The following PHF14 variants were observed in gnomAD, a reference collection of about 807,000 sequenced individuals.
PHF14 encodes PHD finger protein 14.
A neutral mutation model predicts 117.9 loss-of-function variants in PHF14; 55 were observed. The observed-to-expected ratio is 0.47, with a 90% CI of 0.38 to 0.58. The LOEUF (loss-of-function observed/expected upper bound fraction) is 0.58, where lower values mean the gene tolerates loss of function less well. PHF14 is among the 20% of genes least tolerant of loss of function. The pLI, the probability that PHF14 is intolerant of heterozygous loss-of-function variation, is 0.00. For missense variants in PHF14, 978 were observed against 1,122.2 expected (o/e 0.87, Z 1.84); for synonymous variants, 409 against 368.6 (o/e 1.11, Z -1.26).
chr7:11,057,989 TG>T (rs1785078549), intron 14 of PHF14, among the ~76,000 whole-genome samples: 1 of 152,366 alleles, frequency 6.6e-6, no homozygotes, highest in South Asian at 2.1e-4. Context: ...AGTTTGGAAT[TG>T]CACCCTTGCT....
At chr7:11,036,782 C>A (rs1410026786) in intron 9 of PHF14, 94 bp downstream of exon 9, 2 of 1,166,452 alleles carry the variant, frequency 1.7e-6, no homozygotes, top group African/African-American at 1.5e-5. Context: ...AATTTATTAG[C>A]CATGCTGCAT....
intron 4 of PHF14, chr7:11,006,688 G>A (rs765973682): frequency 4.3e-5 from 27 of 627,084 alleles, no homozygotes; most frequent in Non-Finnish European, 7.2e-5. Context: ...GAGCTCTTCC[G>A]AGGATATCTG....
chr7:10,980,939 A>G (rs755547457), intron 2 of PHF14, among the ~76,000 whole-genome samples: 11 of 152,176 alleles, frequency 7.2e-5, no homozygotes, highest in Non-Finnish European at 1.2e-4. Context: ...GTTTAGGATA[A>G]GAGTGTTTTT....
At chr7:11,071,147 C>G (rs942813164) in intron 16 of PHF14, 1 of 367,138 alleles carries the variant, frequency 2.7e-6, no homozygotes, top group African/African-American at 2.1e-5. Context: ...TAATTTTAAG[C>G]AAGTCACTTA....
At chr7:10,984,227 T>C (rs1320936048) in intron 3 of PHF14, among the ~76,000 whole-genome samples, 1 of 152,224 alleles carries the variant, frequency 6.6e-6, no homozygotes, top group Non-Finnish European at 1.5e-5. Flanking sequence ...TTAATTGCTT[T>C]GCTTAAAAAT....
At chr7:11,015,821 A>AT (rs200930490) in intron 5 of PHF14, among the ~76,000 whole-genome samples, 3,605 of 131,238 alleles carry the variant, frequency 0.027, 75 homozygotes, top group African/African-American at 0.065. Context: ...TCATGCATAG[A>AT]TTTTTTTTTT....
chr7:11,038,905 A>G (rs764302259), intron 11 of PHF14, 50 bp downstream of exon 11: 4 of 819,678 alleles, frequency 4.9e-6, no homozygotes, highest in South Asian at 3.9e-5. Flanking sequence ...TCCCTATATG[A>G]TTTTCAAAGA....
intron 5 of PHF14, among the ~76,000 whole-genome samples, chr7:11,020,404 G>A (rs1446318809): frequency 1.3e-5 from 2 of 151,774 alleles, no homozygotes; most frequent in Admixed American, 6.6e-5. Context: ...TGGAGAGAAC[G>A]TCTGGCTTTG....
In PHF14 at chr7:10,983,041, G is replaced by T; in HGVS notation, c.782G>T (p.Ser261Ile). Residue 261 changes from serine (S) to isoleucine (I), a missense_variant, in exon 3 of 18, where the codon AGC (serine) becomes ATC (isoleucine). Around this residue, in one of 7 missense-constraint regions of PHF14, gnomAD observed 414 missense variants for 376.4 expected, o/e 1.10. Transcript: ENST00000634607. ...GAAGGCAATGATGAAGATCATAGTA[G>T]CCCTGCCAGTGAAGGGGGTTGCAAG... ...NDEGNDEDHS[S>I]PASEGGCKKK... is the part of the protein sequence containing the mutation. 2 of 1,592,712 alleles carry T rather than the reference G, an allele frequency of 1.3e-6. No homozygotes were observed. Among genetic ancestry groups the T allele is most frequent in the South Asian group, 2.2e-5 (2 of 89,352 alleles).
chr7:10,996,856 C>T (rs1782669646), intron 4 of PHF14, among the ~76,000 whole-genome samples: 1 of 152,198 alleles, frequency 6.6e-6, no homozygotes, highest in Non-Finnish European at 1.5e-5. Context: ...GATAGGCACA[C>T]TCTCAGGAAC....
chr7:11,002,131 A>G (rs964986786), intron 4 of PHF14, among the ~76,000 whole-genome samples: 1 of 151,542 alleles, frequency 6.6e-6, no homozygotes, highest in African/African-American at 2.4e-5. Flanking sequence ...TGCAACCTCT[A>G]CCTCCTGAGT....
At chr7:10,985,745 T>A (rs1403529458) in intron 3 of PHF14, among the ~76,000 whole-genome samples, 1 of 136,372 alleles carries the variant, frequency 7.3e-6, no homozygotes, top group African/African-American at 2.8e-5. Context: ...CTCCGCCTCA[T>A]GGGTTCAAGC....
chr7:11,139,643 A>G (rs1338118788), intron 17 of PHF14, among the ~76,000 whole-genome samples: 5 of 152,148 alleles, frequency 3.3e-5, no homozygotes, highest in Admixed American at 2.6e-4. Flanking sequence ...ACTAACCCTA[A>G]AGTACTGGAG....
intron 13 of PHF14, among the ~76,000 whole-genome samples, chr7:11,049,080 A>G (rs1488579945): frequency 1.3e-5 from 2 of 152,258 alleles, no homozygotes; most frequent in Non-Finnish European, 2.9e-5. Context: ...AAACAAAACA[A>G]AACAATGATT....
chr7:11,018,584 A>G (rs1379453787), intron 5 of PHF14, among the ~76,000 whole-genome samples: 6 of 152,098 alleles, frequency 3.9e-5, no homozygotes, highest in East Asian at 1.9e-4. Flanking sequence ...TGATTTTTGT[A>G]TGTTGCTTTT....
chr7:11,063,114 A>T, intron 16 of PHF14: 1 of 938,982 alleles, frequency 1.1e-6, no homozygotes, highest in Non-Finnish European at 1.3e-6. Context: ...CTTAAATTTT[A>T]TGAGTTTTTT....
At chr7:11,154,644 AAG>A (rs1427193931) in intron 17 of PHF14, among the ~76,000 whole-genome samples, 2 of 152,230 alleles carry the variant, frequency 1.3e-5, no homozygotes, top group East Asian at 3.9e-4. Flanking sequence ...TTCAGAGAGA[AAG>A]AGCATTAATT....
Position 11,004,924 on chromosome 7 carries a change from C to A in PHF14, c.1046-8823C>A, listed in dbSNP as rs186204091. 9.1e-3 allele frequency among the ~76,000 whole-genome samples: 1,377 copies of A among 151,684 alleles called. 18 individuals are homozygous for A. The highest frequency in any genetic ancestry group is 0.031 in the African/African-American group (1,299 of 41,352). On this transcript the variant is annotated intron_variant, in intron 4 of 17. Coordinates refer to ENST00000634607, the MANE Select transcript of PHF14 (RefSeq NM_001007157.2). ...CCCAGCTGGTTGGGAGGCTGAGGCA[C>A]AAGAATAGCTTGAACCTGGGAGGCG... is the stretch of plus-strand genomic sequence containing the variant.
At chr7:10,992,832 A>G (rs1350965920) in intron 4 of PHF14, among the ~76,000 whole-genome samples, 1 of 152,206 alleles carries the variant, frequency 6.6e-6, no homozygotes, top group Non-Finnish European at 1.5e-5. Flanking sequence ...AGCCAGGATC[A>G]TGTATTGCAT....
Sources: allele counts gnomAD v4.1 joint callset (sites outside exome capture counted in the v4.1 genomes callset), GRCh38; gene constraint gnomAD v4.1.1; regional missense constraint gnomAD v4.1.1; transcripts MANE v1.5; gene names NCBI Gene and HGNC (gene_info 2026-07-23, HGNC 2026-07-21).